CRTAP: variants seen among roughly 807,000 people sequenced by gnomAD.
The protein encoded by CRTAP is cartilage associated protein.
CRTAP carries 33 observed loss-of-function variants against 42.7 expected under a neutral mutation model. The ratio of observed to expected loss-of-function variants is 0.77; its 90% CI spans 0.59 to 1.03. CRTAP has a LOEUF of 1.03. Ranked by LOEUF, CRTAP falls within the 50% of genes least tolerant of loss-of-function variation. CRTAP has a pLI of 0.00. For missense variants in CRTAP, 613 were observed against 533.9 expected, an observed-to-expected ratio of 1.15 and a Z score of -1.46; for synonymous variants, 243 against 217.7, an observed-to-expected ratio of 1.12 and a Z score of -1.02.
chr3:33,121,369 G>A (rs565319616), intron 2 of CRTAP, among the ~76,000 whole-genome samples: 4 of 150,456 alleles, frequency 2.7e-5, no homozygotes, highest in South Asian at 4.2e-4. Flanking sequence ...CTGAGATTGC[G>A]CCACTGCACT....
In CRTAP at chr3:33,146,028, T is replaced by TA. The variant is rs139183288; in HGVS notation, c.*3592dup. ...TTCTATTTCAAAGGAAACCAAACCTTAAAAAAAAAAAACAAAAACTGGGCT... is the reference window on the plus strand; with the variant it reads ...TTCTATTTCAAAGGAAACCAAACCTTAAAAAAAAAAAAACAAAAACTGGGCT... On this transcript the variant is annotated 3_prime_UTR_variant, in exon 7 of 7. Coordinates refer to ENST00000320954, the MANE Select transcript of CRTAP (RefSeq NM_006371.5). 0.013 allele frequency: 1,883 copies of TA among 140,710 alleles called. 15 individuals are homozygous for TA. Among genetic ancestry groups the TA allele is most frequent in the East Asian group, 0.043 (214 of 4,936 alleles). 8.7% of individuals were successfully genotyped at this position (140,710 alleles called of 1,614,324 possible).
At chr3:33,133,032 G>T (rs1350614405) in intron 5 of CRTAP, among the ~76,000 whole-genome samples, 1 of 151,612 alleles carries the variant, frequency 6.6e-6, no homozygotes, top group African/African-American at 2.4e-5. Context: ...AGCCGAGATT[G>T]CGCCAAAAAA....
At chr3:33,114,738 C>T (rs776295516) in intron 1 of CRTAP, among the ~76,000 whole-genome samples, 190 bp downstream of exon 1, 1 of 152,230 alleles carries the variant, frequency 6.6e-6, no homozygotes, top group Non-Finnish European at 1.5e-5. Flanking sequence ...ATGAAAATGC[C>T]TTTCTTGAAG....
At chr3:33,133,569 C>T (rs2030335575) in intron 5 of CRTAP, among the ~76,000 whole-genome samples, 1 of 152,078 alleles carries the variant, frequency 6.6e-6, no homozygotes, top group South Asian at 2.1e-4. Context: ...CTCTTTATCT[C>T]CTGCTTTAAA....
At chr3:33,128,787 G>T (rs1040912446) in intron 3 of CRTAP, among the ~76,000 whole-genome samples, 1 of 152,170 alleles carries the variant, frequency 6.6e-6, no homozygotes, top group Admixed American at 6.5e-5. Context: ...CTTATGAAAT[G>T]TGTGCAACCC....
intron 6 of CRTAP, among the ~76,000 whole-genome samples, chr3:33,135,748 T>C (rs1210405515): frequency 6.6e-6 from 1 of 152,118 alleles, no homozygotes; most frequent in South Asian, 2.1e-4. Context: ...AAAAATTTTA[T>C]AGTTTTAAAT....
intron 6 of CRTAP, among the ~76,000 whole-genome samples, chr3:33,138,721 A>G (rs1003979769): frequency 2.6e-5 from 4 of 152,200 alleles, no homozygotes; most frequent in African/African-American, 9.7e-5. Context: ...AAGCAGAGAG[A>G]GTGGGCCTGG....
chr3:33,117,072 A>C (rs534136926), intron 1 of CRTAP, among the ~76,000 whole-genome samples: 24 of 152,214 alleles, frequency 1.6e-4, no homozygotes, highest in Non-Finnish European at 1.3e-4. Context: ...TTACCACTGC[A>C]CTCCAGCCTG....
At chr3:33,123,858 G>A (rs969217481) in intron 2 of CRTAP, among the ~76,000 whole-genome samples, 1 of 151,962 alleles carries the variant, frequency 6.6e-6, no homozygotes. Context: ...TTTCTTTATA[G>A]CAATGTGAGA....
chr3:33,142,446 T>C lies in CRTAP; in HGVS notation c.1204T>C (p.Ter402GlnextTer53). 6.2e-7 allele frequency: 1 copy of C among 1,614,096 alleles called. No individual in the cohort carries two copies. Among genetic ancestry groups the C allele is most frequent in the Non-Finnish European group, 8.5e-7 (1 of 1,179,922 alleles). The change falls in exon 7 of 7, where the codon TAG becomes CAG. Residue 402 changes from the stop codon to glutamine, a stop_lost. Coordinates refer to ENST00000320954, the MANE Select transcript of CRTAP (RefSeq NM_006371.5). ...CCTCTTGGAACTGGAGGAGACCAGCTAGCCCACAGCAACCAAAGAGACTTC... is the reference window on the plus strand; with the variant it reads ...CCTCTTGGAACTGGAGGAGACCAGCCAGCCCACAGCAACCAAAGAGACTTC... Reference protein sequence around the residue: ...DDLLELEETS* With the variant: ...DDLLELEETSQ
intron 5 of CRTAP, 51 bp downstream of exon 5, chr3:33,132,751 G>T (rs1289886285): frequency 1.9e-6 from 3 of 1,605,218 alleles, no homozygotes; most frequent in Non-Finnish European, 1.7e-6. Context: ...TTGCCTTCTG[G>T]AGACTACCTC....
At chr3:33,134,492 G>C (rs1193953813) in intron 6 of CRTAP, among the ~76,000 whole-genome samples, 1 of 152,140 alleles carries the variant, frequency 6.6e-6, no homozygotes, top group Non-Finnish European at 1.5e-5. Flanking sequence ...AGCGAAACGG[G>C]TGTGGGGCCA....
intron 2 of CRTAP, among the ~76,000 whole-genome samples, chr3:33,122,399 G>A (rs35085581): frequency 0.65 from 97,954 of 151,748 alleles, 32,335 homozygotes; most frequent in Non-Finnish European, 0.72. Flanking sequence ...CATGTGGCCT[G>A]CCCAGGAGGT....
At chr3:33,136,155 G>A (rs572677196) in intron 6 of CRTAP, among the ~76,000 whole-genome samples, 3 of 152,306 alleles carry the variant, frequency 2.0e-5, no homozygotes, top group East Asian at 3.9e-4. Context: ...TATAGGGTAT[G>A]TGGTCTTTTG....
chr3:33,133,833 C>T (rs1424593906), intron 5 of CRTAP, among the ~76,000 whole-genome samples: 1 of 152,126 alleles, frequency 6.6e-6, no homozygotes. Flanking sequence ...GTCAGTGAAC[C>T]CCATTCATTA....
At chr3:33,115,636 A>G (rs1701334018) in intron 1 of CRTAP, among the ~76,000 whole-genome samples, 1 of 152,216 alleles carries the variant, frequency 6.6e-6, no homozygotes, top group Non-Finnish European at 1.5e-5. Context: ...AGATTTTAAA[A>G]GGAATATATT....
In CRTAP at chr3:33,145,024, G is replaced by T. The variant is rs2030684182; in HGVS notation, c.*2576G>T. On this transcript the variant is annotated 3_prime_UTR_variant, in exon 7 of 7. Transcript: ENST00000320954. This position sits in a 1 kb window ranked among gnomAD's most constrained non-coding sequence, Gnocchi z 4.3. The stretch of plus-strand genomic sequence containing the variant: ...TAGCCTGGGAAGGAATAAAAGGATA[G>T]AGTGTTTGGGTTTTTGTGTAATGGT... 4 of 152,356 alleles carry T rather than the reference G, an allele frequency of 2.6e-5. No homozygotes were observed. Among genetic ancestry groups the T allele is most frequent in the Admixed American group, 2.0e-4 (3 of 15,306 alleles). 9.4% of individuals were successfully genotyped at this position (152,356 alleles called of 1,614,324 possible).
At chr3:33,138,923 A>C (rs2030497551) in intron 6 of CRTAP, among the ~76,000 whole-genome samples, 2 of 152,142 alleles carry the variant, frequency 1.3e-5, no homozygotes, top group Non-Finnish European at 1.5e-5. Context: ...TGGGCAGATC[A>C]CCTGAGGTCG....
At chr3:33,134,648 A>G (rs910340583) in intron 6 of CRTAP, among the ~76,000 whole-genome samples, 1 of 152,154 alleles carries the variant, frequency 6.6e-6, no homozygotes, top group African/African-American at 2.4e-5. Context: ...TTTTTTCTAA[A>G]TTGCATCTTT....
Sources: gnomAD v4.1 joint callset for allele counts (sites outside exome capture counted in the v4.1 genomes callset) on GRCh38, gnomAD v4.1.1 for gene constraint, Gnocchi (gnomAD v3.1) non-coding constraint, MANE v1.5 for transcripts, NCBI Gene and HGNC (gene_info 2026-07-23, HGNC 2026-07-21) for gene names.